The following FANCD2OS variants were observed in gnomAD, a reference collection of about 807,000 sequenced individuals.
FANCD2OS encodes FANCD2 opposite strand.
FANCD2OS carries 11 observed loss-of-function variants against 13.2 expected under a neutral mutation model. The observed-to-expected ratio is 0.83, with a 90% CI of 0.52 to 1.38. The LOEUF (loss-of-function observed/expected upper bound fraction) is 1.38. Among genes scored for constraint, FANCD2OS ranks in the 40% most tolerant of loss-of-function variants. The pLI, the probability that FANCD2OS is intolerant of heterozygous loss-of-function variation, is 0.00. For synonymous variants in FANCD2OS, 69 were observed against 84.5 expected (o/e 0.82, Z 1.01); for missense variants, 217 against 213.9 (o/e 1.01, Z -0.09).
chr3:10,101,404 A>G, downstream of FANCD2OS: 4 of 588,278 alleles, frequency 6.8e-6, no homozygotes, highest in South Asian at 5.7e-5. Context: ...TTTTTTTTTA[A>G]AGACGGGGAC....
In FANCD2OS at chr3:10,087,281, C is replaced by CT. The variant is rs371321981; in HGVS notation, c.*44-5751dup. ...AAAAAATTGGTGATGGGCCTAGATC[C>CT]TTTTTTTTTTTTTTTTTTTAATGAA... On this transcript the variant is annotated intron_variant, in intron 2 of 2. Coordinates refer to the FANCD2OS transcript ENST00000524279. The CT allele has an allele frequency of 0.057, 73,785 of 1,298,662 alleles. 183 individuals carry two copies. The highest frequency in any genetic ancestry group is 0.068 in the South Asian group (4,804 of 70,222). 80.4% of individuals were successfully genotyped at this position (1,298,662 alleles called of 1,614,324 possible).
downstream of FANCD2OS, chr3:10,101,400 TTTA>T: frequency 1.5e-6 from 1 of 648,050 alleles, no homozygotes; most frequent in East Asian, 2.9e-5. Flanking sequence ...TTTTTTTTTT[TTTA>T]AAGACGGGGA....
chr3:10,094,371 C>T lies in FANCD2OS; in HGVS notation c.*43+9827G>A, dbSNP rs201623111. 3.4e-5 allele frequency: 55 copies of T among 1,610,432 alleles called. No individual in the cohort carries two copies. The Middle Eastern group carries it at 9.9e-4, about 29-fold the overall frequency. On this transcript the variant is annotated intron_variant, in intron 2 of 2. Coordinates refer to the FANCD2OS transcript ENST00000524279. ...AGTTTTAGAAAACACCGGGTAAGAG[C>T]TAAGAGCAGAGAACAAAGATATGCA...
downstream of FANCD2OS, chr3:10,103,067 G>C (rs1381275075): frequency 2.2e-6 from 1 of 444,852 alleles, no homozygotes. Context: ...GACCAGCTTG[G>C]GCAATGTGGT....
intron 2 of FANCD2OS, chr3:10,088,882 T>C (rs2125077764): frequency 6.2e-7 from 1 of 1,614,024 alleles, no homozygotes; most frequent in Non-Finnish European, 8.5e-7. Context: ...AGATTGCTGG[T>C]GTTGGTGTCC....
rs1360371232 is a variant in FANCD2OS at position 10,105,770 on chromosome 3, AATTATATAT to A, written c.-8-997_-8-989del. On this transcript the variant is annotated intron_variant, in intron 1 of 1. Coordinates refer to ENST00000450660, the MANE Select transcript of FANCD2OS (RefSeq NM_001164839.2). ...CATCTAAAAAAAAAAAAAAAAAAAA[AATTATATAT>A]ATATATATATATATATATATATATA... 1.6e-4 allele frequency among the ~76,000 whole-genome samples: 5 copies of A among 30,362 alleles called. No homozygotes were observed. In the African/African-American group the frequency reaches 2.2e-3, roughly 13 times the overall value. The allele number at this position is 30,362 out of a possible 152,430, so 19.9% of individuals were successfully genotyped here. A position where few individuals can be genotyped will look rare whatever the true frequency, so the allele number is the denominator to read the frequency against.
At chr3:10,084,184 G>A (rs1451338670) in intron 2 of FANCD2OS, among the ~76,000 whole-genome samples, 1 of 151,938 alleles carries the variant, frequency 6.6e-6, no homozygotes, top group African/African-American at 2.4e-5. Context: ...AGTAGAGACG[G>A]GGTTTCACCA....
At chr3:10,090,270 G>C (rs115247173) in intron 2 of FANCD2OS, 7 of 1,564,164 alleles carry the variant, frequency 4.5e-6, no homozygotes, top group Middle Eastern at 3.4e-4. Flanking sequence ...GTGTGGGCAC[G>C]CATGCTTTTC....
At chr3:10,096,451 T>A (rs1355839882) in intron 2 of FANCD2OS, 1 of 1,614,112 alleles carries the variant, frequency 6.2e-7, no homozygotes. Flanking sequence ...GGCTGGGCAA[T>A]CTAAAAAACC....
intron 2 of FANCD2OS, among the ~76,000 whole-genome samples, chr3:10,090,817 T>C (rs1382743682): frequency 6.6e-6 from 1 of 151,518 alleles, no homozygotes; most frequent in Non-Finnish European, 1.5e-5. Flanking sequence ...TTTTTTGTTT[T>C]TGTTTTGTTT....
rs1453800484 is a variant in FANCD2OS, at chr3:10,105,760, AAAAAAAAAAAATTATATATATATATATAT to A, written c.-8-1007_-8-979del. Among the ~76,000 whole-genome samples the A allele has an allele frequency of 7.1e-5, 5 of 70,612 alleles. No individual in the cohort carries two copies. In the African/African-American group the frequency reaches 7.6e-4, roughly 11 times the overall value. 46.3% of individuals were successfully genotyped at this position (70,612 alleles called of 152,430 possible). On this transcript the variant is annotated intron_variant, in intron 1 of 1. Coordinates refer to ENST00000450660, the MANE Select transcript of FANCD2OS (RefSeq NM_001164839.2). ...AGCAAGACTCCATCTAAAAAAAAAAAAAAAAAAAAAATTATATATATATATATATATATATATATATATATATATATATA... is the reference window on the plus strand; with the variant it reads ...AGCAAGACTCCATCTAAAAAAAAAAAATATATATATATATATATATATATA...
intron 2 of FANCD2OS, chr3:10,092,047 G>A: frequency 1.3e-6 from 1 of 786,350 alleles, no homozygotes; most frequent in Non-Finnish European, 2.3e-6. Flanking sequence ...TGGATGCACT[G>A]GTTGCTACAT....
downstream of FANCD2OS, chr3:10,101,286 T>TTCTG (rs1270513470): frequency 6.5e-7 from 1 of 1,540,548 alleles, no homozygotes; most frequent in African/African-American, 1.4e-5. Flanking sequence ...TGTTGCCTGC[T>TTCTG]TCTGTGTCTC....
At chr3:10,103,400 C>G (rs1239244996), downstream of FANCD2OS, among the ~76,000 whole-genome samples, 1 of 152,080 alleles carries the variant, frequency 6.6e-6, no homozygotes. Flanking sequence ...AAAACTCCAT[C>G]TCAAAAAATA....
intron 2 of FANCD2OS, chr3:10,087,189 G>A (rs2125072563): frequency 6.2e-7 from 1 of 1,612,898 alleles, no homozygotes; most frequent in Non-Finnish European, 8.5e-7. Flanking sequence ...TTTCCAGTGT[G>A]CTCTTTATCT....
intron 2 of FANCD2OS, among the ~76,000 whole-genome samples, chr3:10,096,075 C>T (rs1694940720): frequency 6.6e-6 from 1 of 152,090 alleles, no homozygotes; most frequent in Admixed American, 6.6e-5. Flanking sequence ...TAGGTAAATT[C>T]ATTGAAGATC....
At chr3:10,088,845 CAG>C (rs1413188626) in intron 2 of FANCD2OS, 2 of 1,614,118 alleles carry the variant, frequency 1.2e-6, no homozygotes, top group Non-Finnish European at 1.7e-6. Context: ...CTGGAGCACA[CAG>C]AGAGCATTCT....
At chr3:10,090,155 C>T (rs1457438440) in intron 2 of FANCD2OS, 1 of 679,654 alleles carries the variant, frequency 1.5e-6, no homozygotes, top group South Asian at 1.5e-5. Context: ...TCCGCTCCCC[C>T]ATCCTCTTAC....
downstream of FANCD2OS, chr3:10,098,989 AAC>A (rs764234693): frequency 6.2e-7 from 1 of 1,613,776 alleles, no homozygotes; most frequent in Non-Finnish European, 8.5e-7. Context: ...ACCCAGAAGA[AAC>A]AACGACACAA....
Sources: allele counts gnomAD v4.1 joint callset (sites outside exome capture counted in the v4.1 genomes callset), GRCh38; gene constraint gnomAD v4.1.1; transcripts MANE v1.5; gene names NCBI Gene and HGNC (gene_info 2026-07-23, HGNC 2026-07-21).